The following INSL6 variants were observed in gnomAD, a reference collection of about 807,000 sequenced individuals.
The protein encoded by INSL6 is insulin like 6.
Under a neutral mutation model 9.4 loss-of-function variants are expected in INSL6, and 16 were observed. The ratio of observed to expected loss-of-function variants is 1.70; its 90% CI spans 1.15 to 2.59. INSL6 has a LOEUF of 2.59. INSL6 is among the 30% of genes most tolerant of loss of function. The pLI, the probability that INSL6 is intolerant of heterozygous loss-of-function variation, is 0.00. For synonymous variants in INSL6, 154 were observed against 96.9 expected (o/e 1.59, Z -3.46); for missense variants, 391 against 257.3 (o/e 1.52, Z -3.56).
chr9:5,010,494 T>C, the INSL6 span, among the ~76,000 whole-genome samples: 1 of 152,268 alleles, frequency 6.6e-6, no homozygotes, highest in African/African-American at 2.4e-5. Context: ...CTAATTTTTA[T>C]ATTTTTAGTA....
the INSL6 span, among the ~76,000 whole-genome samples, chr9:5,031,450 C>A: frequency 8.5e-5 from 13 of 152,202 alleles, no homozygotes; most frequent in South Asian, 2.7e-3. Context: ...ATGAAGAAAT[C>A]TTTTCATATT....
downstream of INSL6, among the ~76,000 whole-genome samples, chr9:5,162,629 C>T (rs1043323488): frequency 1.3e-5 from 2 of 152,178 alleles, no homozygotes; most frequent in African/African-American, 4.8e-5. Flanking sequence ...GTAATATAAT[C>T]TGTCATTTTG....
chr9:5,027,985 G>C, the INSL6 span, among the ~76,000 whole-genome samples: 2 of 152,106 alleles, frequency 1.3e-5, no homozygotes, highest in African/African-American at 2.4e-5. Flanking sequence ...CCAAACTCCT[G>C]TTAATGTTGA....
the INSL6 span, among the ~76,000 whole-genome samples, chr9:5,071,283 T>C: frequency 6.6e-6 from 1 of 152,140 alleles, no homozygotes; most frequent in Non-Finnish European, 1.5e-5. Flanking sequence ...ATAGAAAATT[T>C]AGAAACATAC....
Position 5,164,186 on chromosome 9 carries a change from T to C in INSL6, c.369A>G (p.Ser123=). ...AAAATTCTCTTGTCTTACCAAGGGGTGAATATCCCTTTTTATCCTTATACT... is the reference window on the plus strand; with the variant it reads ...AAAATTCTCTTGTCTTACCAAGGGGCGAATATCCCTTTTTATCCTTATACT... ...LPEYKDKKGY[S]PLGKTREFSS... The change falls in exon 2 of 2, where the codon TCA becomes TCG. Residue 123 remains serine, a synonymous_variant. Coordinates refer to ENST00000381641, the MANE Select transcript of INSL6 (RefSeq NM_007179.3). 6.2e-7 allele frequency: 1 copy of C among 1,606,952 alleles called. No individual in the cohort carries two copies. Among genetic ancestry groups the C allele is most frequent in the Non-Finnish European group, 8.5e-7 (1 of 1,177,292 alleles).
rs957151482 is a variant in INSL6 at position 5,164,633 on chromosome 9, T to C, written c.290-368A>G. On this transcript the variant is annotated intron_variant, in intron 1 of 1. Transcript: ENST00000381641. ...AGAAACCTATGCCCATTAGCAGTCA[T>C]TTCCATTTCCCTCTCCCACTATCCC... Among the ~76,000 whole-genome samples, 6 of 152,340 alleles carry C rather than the reference T, an allele frequency of 3.9e-5. No homozygotes were observed. The South Asian group carries it at 1.0e-3, about 26-fold the overall frequency.
the INSL6 span, among the ~76,000 whole-genome samples, chr9:5,038,699 C>G: frequency 1.3e-5 from 2 of 150,000 alleles, no homozygotes; most frequent in Non-Finnish European, 3.0e-5. Context: ...ATGAATATTT[C>G]TTTTGCACAT....
the INSL6 span, chr9:5,085,011 A>G: frequency 1.2e-6 from 1 of 845,164 alleles, no homozygotes; most frequent in Non-Finnish European, 1.9e-6. Context: ...ATGTCTTGTG[A>G]GTACAATTTC....
At chr9:5,160,707 G>C (rs914624075), downstream of INSL6, among the ~76,000 whole-genome samples, 4 of 152,036 alleles carry the variant, frequency 2.6e-5, no homozygotes, top group African/African-American at 7.2e-5. Context: ...GACTAACTTA[G>C]ATAAAAAGTG....
downstream of INSL6, among the ~76,000 whole-genome samples, chr9:5,161,961 C>T (rs1467611478): frequency 6.6e-6 from 1 of 151,952 alleles, no homozygotes; most frequent in Non-Finnish European, 1.5e-5. Flanking sequence ...AACCTGTAGT[C>T]CTGGCTACTC....
At chr9:5,177,459 C>T (rs1033238718) in intron 1 of INSL6, among the ~76,000 whole-genome samples, 1 of 152,120 alleles carries the variant, frequency 6.6e-6, no homozygotes, top group African/African-American at 2.4e-5. Flanking sequence ...GCCTTGGGTT[C>T]GACACACAGA....
the INSL6 span, among the ~76,000 whole-genome samples, chr9:5,044,161 C>G: frequency 6.6e-6 from 1 of 152,236 alleles, no homozygotes; most frequent in South Asian, 2.1e-4. Context: ...CCTACTATTG[C>G]TTCTACATTT....
At chr9:5,150,652 T>C (rs182454931) in intron 2 of INSL6, among the ~76,000 whole-genome samples, 4 of 152,230 alleles carry the variant, frequency 2.6e-5, no homozygotes, top group African/African-American at 4.8e-5. Context: ...CTATGTAAAA[T>C]AGTATGAAGA....
chr9:5,147,500 G>A (rs1044328360), intron 2 of INSL6, among the ~76,000 whole-genome samples: 4 of 152,212 alleles, frequency 2.6e-5, no homozygotes, highest in African/African-American at 4.8e-5. Context: ...AGCTCTGGCA[G>A]GGAGTAGCTA....
At chr9:5,065,923 T>G in the INSL6 span, among the ~76,000 whole-genome samples, 1 of 152,206 alleles carries the variant, frequency 6.6e-6, no homozygotes. Flanking sequence ...TAGTAATGAA[T>G]ATTGTTGCTA....
At chr9:5,085,448 A>C in the INSL6 span, 1 of 738,796 alleles carries the variant, frequency 1.4e-6, no homozygotes, top group South Asian at 1.4e-5. Flanking sequence ...GTATTCTTGA[A>C]GGTCTTTTCA....
the INSL6 span, among the ~76,000 whole-genome samples, chr9:5,086,278 C>T: frequency 6.6e-6 from 1 of 152,170 alleles, no homozygotes; most frequent in Non-Finnish European, 1.5e-5. Flanking sequence ...CGCGATCCTC[C>T]TGCCAGGACC....
the INSL6 span, chr9:5,085,752 G>C: frequency 1.3e-6 from 1 of 754,962 alleles, no homozygotes; most frequent in Non-Finnish European, 2.5e-6. Context: ...GCGCTGGCTA[G>C]CTTGCACATG....
chr9:5,118,508 C>T, the INSL6 span, among the ~76,000 whole-genome samples: 4 of 152,130 alleles, frequency 2.6e-5, no homozygotes, highest in African/African-American at 9.7e-5. Flanking sequence ...ATGTAAATAA[C>T]AAATTTGGAT....
Sources: allele counts gnomAD v4.1 joint callset (sites outside exome capture counted in the v4.1 genomes callset), GRCh38; gene constraint gnomAD v4.1.1; transcripts MANE v1.5; gene names NCBI Gene and HGNC (gene_info 2026-07-23, HGNC 2026-07-21).